SPAG16: variants seen among roughly 807,000 people sequenced by gnomAD.
SPAG16 encodes the protein sperm associated antigen 16.
In SPAG16, 86 loss-of-function variants were observed where a neutral mutation model predicts 80.4. That is an observed-to-expected ratio of 1.07 (90% CI 0.90 to 1.28). The LOEUF (loss-of-function observed/expected upper bound fraction) is 1.28. Among genes scored for constraint, SPAG16 ranks in the 50% most tolerant of loss-of-function variants. The pLI is 0.00. For synonymous variants in SPAG16, 294 were observed against 265.9 expected (o/e 1.11, Z -1.03); for missense variants, 870 against 765.3 (o/e 1.14, Z -1.61).
At chr2:213,831,121 C>G (rs542045607) in intron 10 of SPAG16, among the ~76,000 whole-genome samples, 1 of 146,198 alleles carries the variant, frequency 6.8e-6, no homozygotes, top group African/African-American at 2.5e-5. Context: ...CTCACTGCAA[C>G]CTTAGCCTCC....
chr2:214,281,528 G>A (rs1254626635), intron 15 of SPAG16: 3 of 152,640 alleles, frequency 2.0e-5, no homozygotes, highest in Non-Finnish European at 2.9e-5. Context: ...GGAAAAGAGG[G>A]AGCAACTGAT....
chr2:213,445,319 A>G (rs2071225766), intron 9 of SPAG16, among the ~76,000 whole-genome samples: 1 of 152,244 alleles, frequency 6.6e-6, no homozygotes, highest in African/African-American at 2.4e-5. Context: ...AAAAACCTCA[A>G]GTAATCTGAT....
intron 4 of SPAG16, 30 bp from the exon 5 acceptor site, chr2:213,317,189 T>C (rs775881048): frequency 1.2e-5 from 17 of 1,443,018 alleles, no homozygotes; most frequent in African/African-American, 1.4e-5. Flanking sequence ...AAAGAAATGA[T>C]ATAAACCCTT....
At chr2:214,027,809 A>C (rs936281013) in intron 13 of SPAG16, among the ~76,000 whole-genome samples, 4 of 151,910 alleles carry the variant, frequency 2.6e-5, no homozygotes, top group Non-Finnish European at 5.9e-5. Context: ...AGGATTTTGG[A>C]CAGTCTTTTT....
chr2:214,235,460 A>G (rs911150619), intron 15 of SPAG16, among the ~76,000 whole-genome samples: 2 of 152,282 alleles, frequency 1.3e-5, no homozygotes, highest in Non-Finnish European at 2.9e-5. Flanking sequence ...TTCTTCCTCA[A>G]ATAAATAAAT....
chr2:214,088,377 C>A (rs537341445), intron 13 of SPAG16, among the ~76,000 whole-genome samples: 29 of 151,974 alleles, frequency 1.9e-4, no homozygotes, highest in Non-Finnish European at 4.0e-4. Context: ...AAAAACCACA[C>A]TGAAGCCTGT....
Position 213,768,281 on chromosome 2 carries a change from T to G in SPAG16, c.1071-94204T>G, listed in dbSNP as rs530665242. Among the ~76,000 whole-genome samples, 6 of 152,172 alleles carry G rather than the reference T, an allele frequency of 3.9e-5. No homozygotes were observed. In the East Asian group the frequency reaches 9.7e-4, roughly 24 times the overall value. On this transcript the variant is annotated intron_variant, in intron 10 of 15. Coordinates refer to ENST00000331683, the MANE Select transcript of SPAG16 (RefSeq NM_024532.5). ...TAAAGGCAGGCTTTCTAAGCTATAT[T>G]ATAGGAAAAATTTGTCACTAAACAG... is the stretch of plus-strand genomic sequence containing the variant.
chr2:214,175,245 GTA>G (rs10627580), intron 15 of SPAG16, among the ~76,000 whole-genome samples: 60,400 of 142,798 alleles, frequency 0.42, 15,197 homozygotes, highest in Non-Finnish European at 0.55. Context: ...ATAAAGAAAT[GTA>G]TATATATATA....
At chr2:214,113,708 A>C (rs2053790214) in intron 14 of SPAG16, among the ~76,000 whole-genome samples, 1 of 152,156 alleles carries the variant, frequency 6.6e-6, no homozygotes, top group African/African-American at 2.4e-5. Flanking sequence ...TGTTTATTCT[A>C]GTTAGCCATT....
At chr2:213,613,611 A>G (rs2061504375) in intron 10 of SPAG16, among the ~76,000 whole-genome samples, 1 of 152,152 alleles carries the variant, frequency 6.6e-6, no homozygotes, top group East Asian at 1.9e-4. Context: ...AAATATTGTA[A>G]ACATCTCTGA....
intron 15 of SPAG16, among the ~76,000 whole-genome samples, chr2:214,326,701 T>C (rs1333623395): frequency 6.6e-6 from 1 of 151,928 alleles, no homozygotes; most frequent in Non-Finnish European, 1.5e-5. Context: ...ATCCTAGCAC[T>C]TTGGGAGGCC....
intron 12 of SPAG16, among the ~76,000 whole-genome samples, chr2:213,938,271 G>T (rs2079066935): frequency 6.6e-6 from 1 of 152,002 alleles, no homozygotes; most frequent in East Asian, 1.9e-4. Context: ...GACTAAAAGG[G>T]TTTAGTATAT....
At chr2:214,076,185 T>C (rs6715997) in intron 13 of SPAG16, among the ~76,000 whole-genome samples, 105,459 of 152,026 alleles carry the variant, frequency 0.69, 36,845 homozygotes, top group African/African-American at 0.75. Context: ...ATTTGGAATG[T>C]CTTGCATGAT....
intron 1 of SPAG16, among the ~76,000 whole-genome samples, chr2:213,289,768 C>A (rs113841804): frequency 6.6e-6 from 1 of 152,210 alleles, no homozygotes; most frequent in Non-Finnish European, 1.5e-5. Flanking sequence ...AAAATGATTT[C>A]TGTCTATAGT....
chr2:214,174,800 A>G (rs1225697539), intron 15 of SPAG16, among the ~76,000 whole-genome samples: 2 of 151,706 alleles, frequency 1.3e-5, no homozygotes, highest in African/African-American at 4.8e-5. Flanking sequence ...AGGAAAAGAT[A>G]GGGAAAGCTT....
chr2:213,317,185 A>G, intron 4 of SPAG16, 34 bp from the exon 5 acceptor site: 2 of 1,386,752 alleles, frequency 1.4e-6, no homozygotes, highest in Non-Finnish European at 2.0e-6. Flanking sequence ...GCAGAAAGAA[A>G]TGATATAAAC....
At chr2:214,402,257 G>T (rs988995750) in intron 15 of SPAG16, among the ~76,000 whole-genome samples, 3 of 151,928 alleles carry the variant, frequency 2.0e-5, no homozygotes, top group African/African-American at 4.8e-5. Flanking sequence ...CAGTAAGTGT[G>T]CCTCAACCAG....
chr2:213,808,532 C>T (rs2071916590), intron 10 of SPAG16, among the ~76,000 whole-genome samples: 1 of 152,068 alleles, frequency 6.6e-6, no homozygotes, highest in South Asian at 2.1e-4. Flanking sequence ...TATGTGACTA[C>T]TTTGGCTGTT....
At chr2:213,733,416 G>C (rs2067144962) in intron 10 of SPAG16, among the ~76,000 whole-genome samples, 1 of 151,956 alleles carries the variant, frequency 6.6e-6, no homozygotes, top group African/African-American at 2.4e-5. Flanking sequence ...AAAGGTGGGG[G>C]AAAGTGATTT....
Sources: gnomAD v4.1 joint callset for allele counts (sites outside exome capture counted in the v4.1 genomes callset) on GRCh38, gnomAD v4.1.1 for gene constraint, MANE v1.5 for transcripts, NCBI Gene and HGNC (gene_info 2026-07-23, HGNC 2026-07-21) for gene names.